DLGAP1: variants seen among roughly 807,000 people sequenced by gnomAD.
DLGAP1 encodes DLG associated protein 1, also known as disks large-associated protein 1.
Under a neutral mutation model 90.8 loss-of-function variants are expected in DLGAP1, and 11 were observed. That is an observed-to-expected ratio of 0.12 (90% CI 0.08 to 0.20). The LOEUF is 0.20. Ranked by LOEUF, DLGAP1 falls within the 10% of genes least tolerant of loss-of-function variation. DLGAP1 has a pLI of 1.00. For synonymous variants in DLGAP1, 558 were observed against 540.7 expected (o/e 1.03, Z -0.44); for missense variants, 1,050 against 1,333.8 (o/e 0.79, Z 3.31).
chr18:3,769,076 A>G (rs2064392169), intron 5 of DLGAP1, among the ~76,000 whole-genome samples: 1 of 152,190 alleles, frequency 6.6e-6, no homozygotes, highest in African/African-American at 2.4e-5. Flanking sequence ...AACAGTAAAA[A>G]ACAAGCAATC....
intron 3 of DLGAP1, among the ~76,000 whole-genome samples, chr18:3,961,988 T>A (rs1436002383): frequency 6.6e-6 from 1 of 152,178 alleles, no homozygotes; most frequent in Non-Finnish European, 1.5e-5. Context: ...CAGTAAAGGA[T>A]CCCTTCGCCG....
At chr18:4,382,613 A>G (rs11872694) in intron 1 of DLGAP1, among the ~76,000 whole-genome samples, 2 of 152,142 alleles carry the variant, frequency 1.3e-5, no homozygotes, top group East Asian at 3.9e-4. Flanking sequence ...AATTAAAAAA[A>G]CCTATGTTTT....
At chr18:4,442,860 T>C (rs2083568858) in intron 1 of DLGAP1, among the ~76,000 whole-genome samples, 1 of 152,202 alleles carries the variant, frequency 6.6e-6, no homozygotes, top group African/African-American at 2.4e-5. Flanking sequence ...GTATGCTCCA[T>C]GGCTCCACAA....
At chr18:4,423,851 TAA>T (rs36053501) in intron 1 of DLGAP1, among the ~76,000 whole-genome samples, 4,327 of 120,590 alleles carry the variant, frequency 0.036, 240 homozygotes, top group African/African-American at 0.12. Flanking sequence ...CCCAGGAATT[TAA>T]AAAAAAAAAA....
At chr18:3,926,587 T>C (rs118121710) in intron 3 of DLGAP1, among the ~76,000 whole-genome samples, 7,087 of 151,936 alleles carry the variant, frequency 0.047, 213 homozygotes, top group South Asian at 0.11. Flanking sequence ...TATACACATA[T>C]ATAGATAGAT....
At chr18:4,203,142 G>A (rs2077641124) in intron 1 of DLGAP1, among the ~76,000 whole-genome samples, 1 of 152,038 alleles carries the variant, frequency 6.6e-6, no homozygotes, top group African/African-American at 2.4e-5. Flanking sequence ...GGGCGTGGTG[G>A]CGGGTGCCTG....
At chr18:4,244,908 T>A (rs575234296) in intron 1 of DLGAP1, among the ~76,000 whole-genome samples, 9 of 152,346 alleles carry the variant, frequency 5.9e-5, no homozygotes, top group African/African-American at 2.2e-4. Flanking sequence ...AGAACTTTTC[T>A]CACAATGCAG....
At chr18:3,948,364 CT>C (rs2072916652) in intron 3 of DLGAP1, among the ~76,000 whole-genome samples, 1 of 151,906 alleles carries the variant, frequency 6.6e-6, no homozygotes, top group Admixed American at 6.5e-5. Context: ...ATCCCCCTTC[CT>C]TTTTCCACTA....
intron 1 of DLGAP1, among the ~76,000 whole-genome samples, chr18:4,384,063 G>A (rs2082182872): frequency 6.6e-6 from 1 of 152,082 alleles, no homozygotes; most frequent in Admixed American, 6.6e-5. Context: ...AATAACTTTG[G>A]TCAACAGCAA....
At chr18:4,298,747 C>G (rs2080046811) in intron 1 of DLGAP1, among the ~76,000 whole-genome samples, 1 of 149,298 alleles carries the variant, frequency 6.7e-6, no homozygotes, top group African/African-American at 2.5e-5. Flanking sequence ...ACAATGTGCA[C>G]ATGTACCCTA....
At chr18:3,874,136 A>G (rs1171174828) in intron 4 of DLGAP1, 2 of 1,549,944 alleles carry the variant, frequency 1.3e-6, no homozygotes, top group East Asian at 4.9e-5. Context: ...CAAAGTAATA[A>G]AAGAGTTATA....
chr18:4,421,501 G>A (rs1351203494), intron 1 of DLGAP1, among the ~76,000 whole-genome samples: 1 of 152,060 alleles, frequency 6.6e-6, no homozygotes, highest in Non-Finnish European at 1.5e-5. Context: ...ACATGAACAT[G>A]TCTTTTAGGG....
intron 2 of DLGAP1, among the ~76,000 whole-genome samples, chr18:4,039,482 T>C (rs1301433690): frequency 3.3e-5 from 5 of 151,978 alleles, no homozygotes; most frequent in Non-Finnish European, 7.4e-5. Flanking sequence ...TATTAATTAT[T>C]CCATCAAATA....
intron 1 of DLGAP1, among the ~76,000 whole-genome samples, chr18:4,341,740 A>G (rs1161562347): frequency 6.6e-6 from 1 of 152,188 alleles, no homozygotes; most frequent in African/African-American, 2.4e-5. Context: ...TATTTGGTAT[A>G]CTGGATACTG....
At chr18:4,102,131 A>T (rs1306568386) in intron 2 of DLGAP1, among the ~76,000 whole-genome samples, 1 of 152,182 alleles carries the variant, frequency 6.6e-6, no homozygotes, top group Middle Eastern at 3.2e-3. Context: ...ATGAAGGAGT[A>T]AACTTTTTAC....
At chr18:3,652,085 A>G (rs2146460822) in intron 7 of DLGAP1, among the ~76,000 whole-genome samples, 2 of 148,312 alleles carry the variant, frequency 1.3e-5, no homozygotes, top group South Asian at 4.3e-4. Context: ...AATTGCTTGA[A>G]CCTGGGAGGT....
chr18:3,688,474 A>T (rs1304099959), intron 7 of DLGAP1, among the ~76,000 whole-genome samples: 2 of 150,908 alleles, frequency 1.3e-5, no homozygotes, highest in East Asian at 2.0e-4. Flanking sequence ...AAAAATTATT[A>T]AAAAAAAACA....
At chr18:4,023,963 TG>T (rs2074657632) in intron 2 of DLGAP1, among the ~76,000 whole-genome samples, 1 of 152,244 alleles carries the variant, frequency 6.6e-6, no homozygotes, top group Non-Finnish European at 1.5e-5. Flanking sequence ...GTCTGTTTTT[TG>T]TAAAGTTTAT....
At chr18:4,303,698 A>T (rs1251269179) in intron 1 of DLGAP1, among the ~76,000 whole-genome samples, 3 of 152,220 alleles carry the variant, frequency 2.0e-5, no homozygotes, top group Admixed American at 6.5e-5. Context: ...CACCCACTTC[A>T]TTTCCTTCCA....
Sources: allele counts gnomAD v4.1 joint callset (sites outside exome capture counted in the v4.1 genomes callset), GRCh38; gene constraint gnomAD v4.1.1; transcripts MANE v1.5; gene names NCBI Gene and HGNC (gene_info 2026-07-23, HGNC 2026-07-21).